FOCAD: variants seen among roughly 807,000 people sequenced by gnomAD.
FOCAD encodes focadhesin.
In FOCAD, 198 loss-of-function variants were observed where a neutral mutation model predicts 225.6. That is an observed-to-expected ratio of 0.88 (90% CI 0.78 to 0.99). FOCAD has a LOEUF of 0.99. FOCAD is among the 50% of genes least tolerant of loss of function. The probability of loss-of-function intolerance (pLI) is 0.00; values close to 1 mark genes in which losing one functional copy is unlikely to be tolerated. For missense variants in FOCAD, 2,713 were observed against 2,123.6 expected, an observed-to-expected ratio of 1.28 and a Z score of -5.46; for synonymous variants, 897 against 755.0, an observed-to-expected ratio of 1.19 and a Z score of -3.08.
chr9:20,973,558 T>G (rs1839956832), intron 35 of FOCAD, among the ~76,000 whole-genome samples: 1 of 150,676 alleles, frequency 6.6e-6, no homozygotes, highest in African/African-American at 2.4e-5. Flanking sequence ...CTTCTCCTTT[T>G]TCCTATGTTT....
Position 20,938,614 on chromosome 9 carries a change from GA to G in FOCAD, c.3407+5512del, listed in dbSNP as rs1426702155. The stretch of plus-strand genomic sequence containing the variant: ...GGAGTGGGGAGGGATAGCATTAGGG[GA>G]TATACCTAATGTTAAATGACAAGTT... On this transcript the variant is annotated intron_variant, in intron 28 of 43. Transcript: ENST00000338382. Among the ~76,000 whole-genome samples, 7 of 151,944 alleles carry G rather than the reference GA, an allele frequency of 4.6e-5. 1 individual carries two copies. Among genetic ancestry groups the G allele is most frequent in the Admixed American group, 1.3e-4 (2 of 15,258 alleles).
intron 22 of FOCAD, among the ~76,000 whole-genome samples, chr9:20,911,111 A>G (rs1468173692): frequency 6.6e-6 from 1 of 152,148 alleles, no homozygotes; most frequent in Non-Finnish European, 1.5e-5. Context: ...GAGACAGGCA[A>G]TAAAAATTGT....
At chr9:20,738,777 A>G (rs188327184) in intron 4 of FOCAD, among the ~76,000 whole-genome samples, 1 of 152,338 alleles carries the variant, frequency 6.6e-6, no homozygotes, top group East Asian at 1.9e-4. Flanking sequence ...AATGCAAGCC[A>G]CATATGTAAT....
chr9:20,872,263 T>C (rs1430902028), intron 18 of FOCAD, among the ~76,000 whole-genome samples: 1 of 152,190 alleles, frequency 6.6e-6, no homozygotes, highest in Non-Finnish European at 1.5e-5. Flanking sequence ...ATCCGCAATC[T>C]TTCTTTAGTG....
intron 24 of FOCAD, among the ~76,000 whole-genome samples, chr9:20,922,130 G>A (rs1834495768): frequency 6.6e-6 from 1 of 152,166 alleles, no homozygotes; most frequent in Non-Finnish European, 1.5e-5. Flanking sequence ...GGGCACCTAG[G>A]AATGACCAAA....
intron 4 of FOCAD, among the ~76,000 whole-genome samples, chr9:20,730,812 T>C (rs1022830740): frequency 6.6e-6 from 1 of 152,188 alleles, no homozygotes; most frequent in Admixed American, 6.5e-5. Context: ...CAGTTAAATC[T>C]CTGCATACAT....
At chr9:20,835,140 G>A (rs1825873279) in intron 15 of FOCAD, among the ~76,000 whole-genome samples, 1 of 151,956 alleles carries the variant, frequency 6.6e-6, no homozygotes, top group Non-Finnish European at 1.5e-5. Flanking sequence ...GTACAATTAA[G>A]ATCTGTTCTT....
At chr9:20,872,573 C>T (rs1829881919) in intron 18 of FOCAD, among the ~76,000 whole-genome samples, 1 of 149,608 alleles carries the variant, frequency 6.7e-6, no homozygotes, top group African/African-American at 2.5e-5. Flanking sequence ...TACCTTCCTC[C>T]CTCCCTCTCT....
intron 5 of FOCAD, among the ~76,000 whole-genome samples, chr9:20,747,886 A>G (rs933244526): frequency 6.6e-6 from 1 of 151,416 alleles, no homozygotes; most frequent in Non-Finnish European, 1.5e-5. Context: ...GTTATTGAAA[A>G]TGAACTGTAG....
At chr9:20,905,752 C>T (rs1202663045) in intron 21 of FOCAD, among the ~76,000 whole-genome samples, 1 of 151,960 alleles carries the variant, frequency 6.6e-6, no homozygotes, top group Non-Finnish European at 1.5e-5. Flanking sequence ...TGTAGTTTGC[C>T]ACCTGGATAA....
chr9:20,922,076 A>T (rs1834489824), intron 24 of FOCAD, among the ~76,000 whole-genome samples: 1 of 152,204 alleles, frequency 6.6e-6, no homozygotes, highest in African/African-American at 2.4e-5. Flanking sequence ...TAATATTAGA[A>T]ATAAAAGATT....
chr9:20,816,901 T>A (rs941047348), intron 11 of FOCAD, among the ~76,000 whole-genome samples: 2 of 152,126 alleles, frequency 1.3e-5, no homozygotes, highest in Admixed American at 1.3e-4. Flanking sequence ...AGTGTAGAAA[T>A]GATTTAAAGT....
chr9:20,948,191 T>C lies in FOCAD; in HGVS notation c.3676-80T>C, dbSNP rs373478542. On this transcript the variant is annotated intron_variant, in intron 30 of 43. Transcript: ENST00000338382. ...TAGGAAAGTTAGCACTAAAAGTGTT[T>C]ATGTTGCTATTTATAAACATTCTAA... 1.3e-3 allele frequency: 1,763 copies of C among 1,323,878 alleles called. 45 individuals carry two copies. In the South Asian group the frequency reaches 0.026, roughly 19 times the overall value. 82.0% of individuals were successfully genotyped at this position (1,323,878 alleles called of 1,614,324 possible). A position where few individuals can be genotyped will look rare whatever the true frequency, so the allele number is the denominator to read the frequency against.
At chr9:20,732,043 C>A (rs951760271) in intron 4 of FOCAD, among the ~76,000 whole-genome samples, 7 of 152,140 alleles carry the variant, frequency 4.6e-5, no homozygotes, top group African/African-American at 1.7e-4. Context: ...CTGCAGCTAT[C>A]AACCCATCAC....
At chr9:20,819,765 A>G in intron 11 of FOCAD, 31 bp from the exon 12 acceptor site, 2 of 1,202,284 alleles carry the variant, frequency 1.7e-6, no homozygotes, top group Admixed American at 2.5e-5. Flanking sequence ...GTAACAAGGC[A>G]TATTTAATAT....
At position 20,720,438 on chromosome 9, in the gene FOCAD, C is replaced by G. The variant is rs780214802; in HGVS notation, c.191C>G (p.Thr64Arg). The G allele has an allele frequency of 1.1e-5, 18 of 1,613,974 alleles. No homozygotes were observed. Among genetic ancestry groups the G allele is most frequent in the East Asian group, 2.2e-5 (1 of 44,884 alleles). ...TGCAGTGACAATGTAGTGGTTCGAA[C>G]AGCCTGCTGTGAAGGTCTGGTGGCA... ...KCCSDNVVVR[T>R]ACCEGLVALV... Residue 64 changes from threonine to arginine, a missense_variant, in exon 4 of 44, where the codon ACA becomes AGA. Physicochemically the swap from Thr to Arg is moderately conservative, Grantham distance 71. Transcript: ENST00000338382.
chr9:20,939,993 A>G (rs951673484), intron 28 of FOCAD, among the ~76,000 whole-genome samples: 2 of 150,266 alleles, frequency 1.3e-5, no homozygotes, highest in Non-Finnish European at 2.9e-5. Context: ...ATGAGTGAGA[A>G]CATGCGTCCA....
intron 6 of FOCAD, among the ~76,000 whole-genome samples, chr9:20,762,700 G>T (rs1387393408): frequency 6.6e-6 from 1 of 152,076 alleles, no homozygotes; most frequent in Non-Finnish European, 1.5e-5. Flanking sequence ...AGATTCAGGG[G>T]TGTATGTGCA....
At chr9:20,856,226 G>C (rs954691057) in intron 15 of FOCAD, among the ~76,000 whole-genome samples, 4 of 151,954 alleles carry the variant, frequency 2.6e-5, no homozygotes, top group Admixed American at 2.0e-4. Context: ...CAGTGTACGA[G>C]GGTTCCCCTT....
Sources: allele counts gnomAD v4.1 joint callset (sites outside exome capture counted in the v4.1 genomes callset), GRCh38; gene constraint gnomAD v4.1.1; transcripts MANE v1.5; gene names NCBI Gene and HGNC (gene_info 2026-07-23, HGNC 2026-07-21).